Variants in SLC31A1 observed in about 807,000 individuals in gnomAD.
SLC31A1 encodes solute carrier family 31 member 1.
A neutral mutation model predicts 17.2 loss-of-function variants in SLC31A1; 5 were observed. The ratio of observed to expected loss-of-function variants is 0.29; its 90% CI spans 0.15 to 0.61. The LOEUF is 0.61. SLC31A1 is among the 20% of genes least tolerant of loss of function. SLC31A1 has a pLI of 0.86. For synonymous variants in SLC31A1, 76 were observed against 78.8 expected (o/e 0.96, Z 0.19); for missense variants, 161 against 241.4 (o/e 0.67, Z 2.21).
At position 113,256,243 on chromosome 9, in the gene SLC31A1, C is replaced by G. The variant is rs758747312; in HGVS notation, c.95C>G (p.Ser32Cys). The stretch of plus-strand genomic sequence containing the variant: ...CACCCAACCACTTCAGCCTCACACT[C>G]CCATGGTGGAGGAGACAGCAGCATG... Reference protein sequence around the residue: ...HHHPTTSASHSHGGGDSSMMM... With the variant: ...HHHPTTSASHCHGGGDSSMMM... Residue 32 changes from serine (S) to cysteine (C), a missense_variant, in exon 2 of 5, where the codon TCC (serine) becomes TGC (cysteine). Transcript: ENST00000374212. The G allele has an allele frequency of 6.2e-7, 1 of 1,614,024 alleles. No individual in the cohort carries two copies. The highest frequency in any genetic ancestry group is 8.5e-7 in the Non-Finnish European group (1 of 1,180,018).
intron 1 of SLC31A1, among the ~76,000 whole-genome samples, chr9:113,228,488 G>T (rs1831366559): frequency 6.6e-6 from 1 of 152,214 alleles, no homozygotes; most frequent in Non-Finnish European, 1.5e-5. Context: ...TATCAAATTT[G>T]AGTTGTCCTA....
At position 113,261,699 on chromosome 9, in the gene SLC31A1, A is replaced by C. The variant is rs41280225; in HGVS notation, c.*1226A>C. Reference sequence around the variant, plus strand: ...AGAATCACCTGTAGGGCTTGTTAAAACACTAATTGCTGGGCCTCAACCCAA... The same window carrying C: ...AGAATCACCTGTAGGGCTTGTTAAACCACTAATTGCTGGGCCTCAACCCAA... On this transcript the variant is annotated 3_prime_UTR_variant, in exon 5 of 5. Coordinates refer to ENST00000374212, the MANE Select transcript of SLC31A1 (RefSeq NM_001859.4). The C allele has an allele frequency of 0.11, 17,423 of 152,516 alleles. 1,104 individuals carry two copies. The highest frequency in any genetic ancestry group is 0.24 in the East Asian group (1,226 of 5,178). The allele number at this position is 152,516 out of a possible 1,614,324, so 9.4% of individuals were successfully genotyped here.
At chr9:113,225,847 C>T (rs947522686) in intron 1 of SLC31A1, among the ~76,000 whole-genome samples, 2 of 152,084 alleles carry the variant, frequency 1.3e-5, no homozygotes, top group Non-Finnish European at 2.9e-5. Flanking sequence ...ATATAATAAT[C>T]ACTAGAAAAG....
At chr9:113,231,896 C>T (rs1316523406) in intron 1 of SLC31A1, among the ~76,000 whole-genome samples, 1 of 152,086 alleles carries the variant, frequency 6.6e-6, no homozygotes, top group African/African-American at 2.4e-5. Flanking sequence ...CTGGGATAGG[C>T]GATAGCCAGG....
chr9:113,248,240 C>G (rs1279292881), intron 1 of SLC31A1, among the ~76,000 whole-genome samples: 1 of 151,952 alleles, frequency 6.6e-6, no homozygotes, highest in African/African-American at 2.4e-5. Context: ...AGGAGAATCA[C>G]TTGAACTCAG....
intron 1 of SLC31A1, among the ~76,000 whole-genome samples, chr9:113,234,397 A>C (rs983428675): frequency 6.0e-5 from 9 of 149,674 alleles, no homozygotes; most frequent in Non-Finnish European, 7.4e-5. Flanking sequence ...GGCTGGTCTC[A>C]AACTCCTGAC....
intron 1 of SLC31A1, among the ~76,000 whole-genome samples, chr9:113,252,387 C>T (rs1282677269): frequency 6.6e-6 from 1 of 152,186 alleles, no homozygotes; most frequent in Non-Finnish European, 1.5e-5. Context: ...CCTCCGCCTC[C>T]CGGGTTCAAG....
chr9:113,255,973 G>A, intron 1 of SLC31A1, 141 bp from the exon 2 acceptor site: 1 of 585,304 alleles, frequency 1.7e-6, no homozygotes, highest in Non-Finnish European at 2.8e-6. Context: ...CTCCTGTACT[G>A]ATCAGTAGTG....
At chr9:113,222,832 G>C (rs1023868255) in intron 1 of SLC31A1, among the ~76,000 whole-genome samples, 1 of 152,106 alleles carries the variant, frequency 6.6e-6, no homozygotes, top group Admixed American at 6.5e-5. Context: ...AGGTGTTGGG[G>C]GAGTAACTGG....
chr9:113,222,986 C>T (rs918337830), intron 1 of SLC31A1, among the ~76,000 whole-genome samples: 4 of 152,096 alleles, frequency 2.6e-5, no homozygotes, highest in African/African-American at 9.7e-5. Context: ...GGAATGAATA[C>T]TTAAAGTCAC....
intron 1 of SLC31A1, among the ~76,000 whole-genome samples, chr9:113,229,712 C>A (rs889865109): frequency 6.6e-6 from 1 of 152,150 alleles, no homozygotes; most frequent in South Asian, 2.1e-4. Flanking sequence ...GATGACTGTT[C>A]TAGTTTTGAT....
rs57266996 is a variant in SLC31A1, at chr9:113,260,580, TACAC to T, written c.*136_*139del. On this transcript the variant is annotated 3_prime_UTR_variant, in exon 5 of 5. Transcript: ENST00000374212. ...CCCTTCTTGCTCCTCTTTGTGCACG[TACAC>T]ACACACACACACACACACACACACA... is the stretch of plus-strand genomic sequence containing the variant. The T allele has an allele frequency of 0.015, 9,369 of 626,980 alleles. 12 individuals are homozygous for T. Among genetic ancestry groups the T allele is most frequent in the African/African-American group, 0.018 (989 of 53,476 alleles). The allele number at this position is 626,980 out of a possible 1,614,324, so 38.8% of individuals were successfully genotyped here.
intron 1 of SLC31A1, among the ~76,000 whole-genome samples, chr9:113,249,900 T>G (rs959995710): frequency 1.8e-4 from 28 of 151,846 alleles, no homozygotes; most frequent in Admixed American, 3.9e-4. Flanking sequence ...AAGAAGACAT[T>G]TATGCAGCCA....
chr9:113,255,194 C>T (rs1006632887), intron 1 of SLC31A1, among the ~76,000 whole-genome samples: 2 of 152,106 alleles, frequency 1.3e-5, no homozygotes, highest in African/African-American at 4.8e-5. Context: ...AAATGTAATC[C>T]AAATATCCTG....
intron 1 of SLC31A1, among the ~76,000 whole-genome samples, chr9:113,222,166 A>G (rs981239972): frequency 1.3e-5 from 2 of 152,210 alleles, no homozygotes; most frequent in East Asian, 1.9e-4. Flanking sequence ...GTGCCCTTAC[A>G]GAGTGACTAT....
In SLC31A1 at chr9:113,221,574, A is replaced by G. The variant is rs1196798851; in HGVS notation, c.-140A>G. On this transcript the variant is annotated 5_prime_UTR_variant, in exon 1 of 5. Coordinates refer to ENST00000374212, the MANE Select transcript of SLC31A1 (RefSeq NM_001859.4). ...CTCGGCCTCGGTGGCGGTGGTGGAC[A>G]CGTCGAGCCGGGTAGAAGTGGAGGG... 3.2e-5 allele frequency: 14 copies of G among 440,534 alleles called. No homozygotes were observed. Among genetic ancestry groups the G allele is most frequent in the African/African-American group, 2.8e-4 (14 of 49,894 alleles). The allele number at this position is 440,534 out of a possible 1,614,324, so 27.3% of individuals were successfully genotyped here.
At chr9:113,233,846 C>G in intron 1 of SLC31A1, among the ~76,000 whole-genome samples, 1 of 152,184 alleles carries the variant, frequency 6.6e-6, no homozygotes, top group Non-Finnish European at 1.5e-5. Context: ...AATAATTGCA[C>G]AATGTATAAT....
At chr9:113,230,875 A>C (rs1349886735) in intron 1 of SLC31A1, among the ~76,000 whole-genome samples, 5 of 151,072 alleles carry the variant, frequency 3.3e-5, no homozygotes, top group African/African-American at 9.8e-5. Context: ...TCCCCATCTC[A>C]CCTCCCTCAT....
intron 1 of SLC31A1, among the ~76,000 whole-genome samples, chr9:113,237,408 A>G (rs1587989894): frequency 6.6e-6 from 1 of 152,212 alleles, no homozygotes; most frequent in East Asian, 1.9e-4. Flanking sequence ...TTGTGCCTCA[A>G]CAGGAATAGG....
Sources: gnomAD v4.1 joint callset for allele counts (sites outside exome capture counted in the v4.1 genomes callset) on GRCh38, gnomAD v4.1.1 for gene constraint, MANE v1.5 for transcripts, NCBI Gene and HGNC (gene_info 2026-07-23, HGNC 2026-07-21) for gene names.